RHOBTB2: variants seen among roughly 807,000 people sequenced by gnomAD.
The protein encoded by RHOBTB2 is rho-related BTB domain-containing protein 2.
RHOBTB2 carries 39 observed loss-of-function variants against 66.5 expected under a neutral mutation model. The ratio of observed to expected loss-of-function variants is 0.59; its 90% confidence interval spans 0.45 to 0.77. RHOBTB2 has a LOEUF of 0.77. Ranked by LOEUF, RHOBTB2 falls within the 30% of genes least tolerant of loss-of-function variation. The pLI is 0.00. For missense variants in RHOBTB2, 755 were observed against 999.1 expected, an observed-to-expected ratio of 0.76 and a Z score of 3.29; for synonymous variants, 390 against 395.0, an observed-to-expected ratio of 0.99 and a Z score of 0.15.
the RHOBTB2 span, among the ~76,000 whole-genome samples, chr8:22,974,919 G>A: frequency 2.0e-5 from 3 of 152,090 alleles, no homozygotes; most frequent in African/African-American, 7.2e-5. Context: ...CCCACTAAGC[G>A]CCCCAATTGT....
chr8:22,989,800 G>A (rs1462485701), intron 1 of RHOBTB2, among the ~76,000 whole-genome samples: 1 of 152,144 alleles, frequency 6.6e-6, no homozygotes, highest in African/African-American at 2.4e-5. Flanking sequence ...TAAGCATAAC[G>A]TGCTAGGGCA....
At chr8:22,983,387 A>C (rs1466799855), upstream of RHOBTB2, among the ~76,000 whole-genome samples, 1 of 151,660 alleles carries the variant, frequency 6.6e-6, no homozygotes, top group African/African-American at 2.4e-5. Flanking sequence ...GGCCAGGCAC[A>C]TGCCTGTAAT....
chr8:22,977,409 G>A, the RHOBTB2 span, among the ~76,000 whole-genome samples: 3 of 151,584 alleles, frequency 2.0e-5, no homozygotes, highest in East Asian at 1.9e-4. Flanking sequence ...GCAAAACCCC[G>A]TCTCTACAAA....
intron 1 of RHOBTB2, 68 bp downstream of exon 1, chr8:23,000,173 C>A: frequency 1.0e-6 from 1 of 961,646 alleles, no homozygotes; most frequent in Non-Finnish European, 1.2e-6. Context: ...CCGCTCCGCC[C>A]TCCCTGCCCT....
the RHOBTB2 span, among the ~76,000 whole-genome samples, chr8:22,973,288 G>GC: frequency 6.6e-6 from 1 of 152,102 alleles, no homozygotes; most frequent in South Asian, 2.1e-4. Context: ...GAGTGCAGTG[G>GC]CCCGATCATC....
upstream of RHOBTB2, among the ~76,000 whole-genome samples, chr8:22,986,009 G>A (rs908030519): frequency 6.6e-6 from 1 of 152,184 alleles, no homozygotes; most frequent in African/African-American, 2.4e-5. Context: ...GGGGAAGCAG[G>A]TCAAGGACAG....
At chr8:22,955,510 T>C in the RHOBTB2 span, among the ~76,000 whole-genome samples, 2 of 151,992 alleles carry the variant, frequency 1.3e-5, no homozygotes, top group African/African-American at 4.8e-5. Context: ...AGGTCAATTC[T>C]GCTTCCATTG....
chr8:22,991,422 G>A (rs1196660698), intron 1 of RHOBTB2, among the ~76,000 whole-genome samples: 1 of 152,178 alleles, frequency 6.6e-6, no homozygotes, highest in East Asian at 1.9e-4. Context: ...AAAGGGAGGA[G>A]GAGAAGTGAG....
chr8:22,953,920 C>T, the RHOBTB2 span, among the ~76,000 whole-genome samples: 1 of 152,204 alleles, frequency 6.6e-6, no homozygotes, highest in East Asian at 1.9e-4. Context: ...CCTTTGTACT[C>T]AGGGCTTGGC....
the RHOBTB2 span, among the ~76,000 whole-genome samples, chr8:22,953,832 TATG>T: frequency 2.3e-4 from 35 of 152,318 alleles, no homozygotes; most frequent in Admixed American, 2.1e-3. Context: ...CTTCCTGTAA[TATG>T]ATGATACATA....
upstream of RHOBTB2, among the ~76,000 whole-genome samples, chr8:22,985,935 T>C (rs188477683): frequency 3.1e-3 from 473 of 152,246 alleles, 3 homozygotes; most frequent in Non-Finnish European, 2.8e-3. Context: ...AAAGCCCTTC[T>C]CAACAGAGGT....
intron 1 of RHOBTB2, among the ~76,000 whole-genome samples, chr8:22,990,517 C>T (rs1229371525): frequency 6.6e-6 from 1 of 152,162 alleles, no homozygotes; most frequent in South Asian, 2.1e-4. Flanking sequence ...GGTGGCAGCG[C>T]GTCAGTCCAC....
chr8:22,953,624 A>G, the RHOBTB2 span, among the ~76,000 whole-genome samples: 2 of 152,230 alleles, frequency 1.3e-5, no homozygotes, highest in South Asian at 4.1e-4. Flanking sequence ...ATTAATTTCA[A>G]TCAGACCAAA....
chr8:22,982,764 A>G (rs569374131), upstream of RHOBTB2, among the ~76,000 whole-genome samples: 2 of 152,350 alleles, frequency 1.3e-5, no homozygotes, highest in African/African-American at 4.8e-5. Context: ...ATAATAAAGT[A>G]CCTTAAACTG....
intron 5 of RHOBTB2, 36 bp downstream of exon 5, chr8:23,007,782 A>C: frequency 6.2e-7 from 1 of 1,601,192 alleles, no homozygotes; most frequent in East Asian, 2.2e-5. Context: ...GGGGTTCTGC[A>C]TTGGTGCTAT....
Position 23,006,966 on chromosome 8 carries a change from C to G in RHOBTB2, c.721C>G (p.Pro241Ala). The G allele has an allele frequency of 6.2e-7, 1 of 1,611,630 alleles. No homozygotes were observed. Among genetic ancestry groups the G allele is most frequent in the South Asian group, 1.1e-5 (1 of 91,060 alleles). ...CTTCCTACCCCCCAAGCCACCGCCCCCGATCATCGTGGTGCCCGACCCTCC... is the reference window on the plus strand; with the variant it reads ...CTTCCTACCCCCCAAGCCACCGCCCGCGATCATCGTGGTGCCCGACCCTCC... ...APFLPPKPPPPIIVVPDPPSS... is the reference protein window; with the variant it reads ...APFLPPKPPPAIIVVPDPPSS... The change falls in exon 5 of 10, where the codon CCG becomes GCG. Residue 241 changes from proline (P) to alanine (A), a missense_variant. Around this residue, in one of 7 missense-constraint regions of RHOBTB2, gnomAD observed 247 missense variants for 238.9 expected, o/e 1.03. Transcript: ENST00000251822. This position sits in a 1 kb window ranked among gnomAD's most constrained non-coding sequence, Gnocchi z 6.1.
chr8:22,962,179 C>CAAAAAAAA, the RHOBTB2 span, among the ~76,000 whole-genome samples: 5 of 13,834 alleles, frequency 3.6e-4, no homozygotes, highest in Non-Finnish European at 5.0e-4. Flanking sequence ...AACGAATTTA[C>CAAAAAAAA]AAAAAAAAAA....
Position 23,000,013 on chromosome 8 carries a change from C to G in RHOBTB2, c.-103C>G. On this transcript the variant is annotated 5_prime_UTR_variant, in exon 1 of 10. Transcript: ENST00000251822. ...CCGGCGTCGTCCCAACTTGCAGGCGCGGAGGGACCCCTGACATTTCACTAA... is the reference window on the plus strand; with the variant it reads ...CCGGCGTCGTCCCAACTTGCAGGCGGGGAGGGACCCCTGACATTTCACTAA... 1 of 985,596 alleles carries G rather than the reference C, an allele frequency of 1.0e-6. No individual in the cohort carries two copies. Among genetic ancestry groups the G allele is most frequent in the Non-Finnish European group, 1.2e-6 (1 of 830,044 alleles). 61.1% of individuals were successfully genotyped at this position (985,596 alleles called of 1,614,324 possible). A position where few individuals can be genotyped will look rare whatever the true frequency, so the allele number is the denominator to read the frequency against.
intron 7 of RHOBTB2, among the ~76,000 whole-genome samples, chr8:23,012,658 A>G (rs1811181076): frequency 6.6e-6 from 1 of 152,204 alleles, no homozygotes; most frequent in Admixed American, 6.5e-5. Context: ...TTGCTCTGTC[A>G]CGCAGACTGG....
Sources: allele counts gnomAD v4.1 joint callset (sites outside exome capture counted in the v4.1 genomes callset), GRCh38; gene constraint gnomAD v4.1.1; regional missense constraint gnomAD v4.1.1; non-coding constraint Gnocchi (gnomAD v3.1); transcripts MANE v1.5; gene names NCBI Gene and HGNC (gene_info 2026-07-23, HGNC 2026-07-21).